The following CR2 variants were observed in gnomAD, a reference collection of about 807,000 sequenced individuals.
CR2 encodes the protein complement receptor type 2.
A neutral mutation model predicts 123.0 loss-of-function variants in CR2; 96 were observed. The ratio of observed to expected loss-of-function variants is 0.78; its 90% CI spans 0.66 to 0.93. The LOEUF (loss-of-function observed/expected upper bound fraction) is 0.93, where lower values mean the gene tolerates loss of function less well. Ranked by LOEUF, CR2 falls within the 40% of genes least tolerant of loss-of-function variation. The probability of loss-of-function intolerance (pLI) is 0.00; values close to 1 mark genes in which losing one functional copy is unlikely to be tolerated. For synonymous variants in CR2, 484 were observed against 469.5 expected (o/e 1.03, Z -0.40); for missense variants, 1,258 against 1,361.0 (o/e 0.92, Z 1.19).
intron 19 of CR2, 133 bp downstream of exon 19, chr1:207,485,705 G>A (rs1324980701): frequency 7.7e-6 from 5 of 646,988 alleles, no homozygotes; most frequent in East Asian, 2.8e-5. Flanking sequence ...ATCATGCATA[G>A]CAATTGTTCA....
At chr1:207,459,706 C>T (rs1050568278) in intron 1 of CR2, among the ~76,000 whole-genome samples, 1 of 152,154 alleles carries the variant, frequency 6.6e-6, no homozygotes, top group Non-Finnish European at 1.5e-5. Flanking sequence ...GTCATGATCT[C>T]CTCTGAGTTT....
At chr1:207,471,144 G>A in intron 8 of CR2, 57 bp downstream of exon 8, 2 of 1,530,264 alleles carry the variant, frequency 1.3e-6, no homozygotes, top group Non-Finnish European at 1.8e-6. Context: ...CACACTGCAG[G>A]CTCTATGTAA....
At chr1:207,488,218 T>A (rs1658800287) in intron 19 of CR2, among the ~76,000 whole-genome samples, 1 of 152,174 alleles carries the variant, frequency 6.6e-6, no homozygotes, top group African/African-American at 2.4e-5. Context: ...AATATCAAGA[T>A]GAAGAAATAA....
At position 207,470,919 on chromosome 1, in the gene CR2, G is replaced by C; in HGVS notation, c.1402+3G>C. ...ACCCCCTGTACCCCAATGCAAAGGT[G>C]CCAGGCCTCAAATGTAGACATTTTG... On this transcript the variant is annotated splice_donor_region_variant and intron_variant, in intron 7 of 19. Transcript: ENST00000367057. The C allele has an allele frequency of 6.2e-7, 1 of 1,613,828 alleles. No individual in the cohort carries two copies. Among genetic ancestry groups the C allele is most frequent in the South Asian group, 1.1e-5 (1 of 91,086 alleles).
At chr1:207,480,356 T>A (rs7548495) in intron 18 of CR2, among the ~76,000 whole-genome samples, 15,694 of 152,228 alleles carry the variant, frequency 0.1, 875 homozygotes, top group African/African-American at 0.15. Flanking sequence ...TCTGATCTTT[T>A]TCGTATATTT....
chr1:207,469,133 C>T lies in CR2; in HGVS notation c.735-17C>T. The T allele has an allele frequency of 6.2e-7, 1 of 1,610,056 alleles. No individual in the cohort carries two copies. The highest frequency in any genetic ancestry group is 8.5e-7 in the Non-Finnish European group (1 of 1,176,306). ...CAAACTGCCTAATAGTTCTGAATGACAACCTTCTGTCTCCAGGTATCGACT... is the reference window on the plus strand; with the variant it reads ...CAAACTGCCTAATAGTTCTGAATGATAACCTTCTGTCTCCAGGTATCGACT... On this transcript the variant is annotated splice_polypyrimidine_tract_variant and intron_variant, in intron 4 of 19. Coordinates refer to ENST00000367057, the MANE Select transcript of CR2 (RefSeq NM_001006658.3).
At chr1:207,471,295 G>A in intron 8 of CR2, 128 bp from the exon 9 acceptor site, 1 of 907,044 alleles carries the variant, frequency 1.1e-6, no homozygotes, top group East Asian at 2.4e-5. Context: ...AGTTGGTGCT[G>A]ATGTTGGCTA....
At chr1:207,457,060 A>G (rs375306221) in intron 1 of CR2, among the ~76,000 whole-genome samples, 1 of 152,232 alleles carries the variant, frequency 6.6e-6, no homozygotes, top group African/African-American at 2.4e-5. Flanking sequence ...ACTGTGTTCT[A>G]TTTTCTACAG....
Position 207,470,057 on chromosome 1 carries a change from A to C in CR2, c.1180A>C (p.Asn394His), listed in dbSNP as rs760698306. The change falls in exon 6 of 20, where the codon AAT (asparagine) becomes CAT (histidine). Residue 394 changes from asparagine (N) to histidine (H), a missense_variant. Asn to His is a moderately conservative substitution (Grantham distance 68). Transcript: ENST00000367057. ...GAAGGGCAGCAAGCAAATCCGATGC[A>C]ATGCCCAAGGCACATGGGAGCCATC... is the stretch of plus-strand genomic sequence containing the variant. ...TLKGSKQIRC[N>H]AQGTWEPSAP... The C allele has an allele frequency of 1.6e-5, 26 of 1,613,866 alleles. No individual in the cohort carries two copies. The highest frequency in any genetic ancestry group is 2.1e-5 in the Non-Finnish European group (25 of 1,179,914).
In CR2 at chr1:207,473,625, G is replaced by T; in HGVS notation, c.2059G>T (p.Asp687Tyr). 1 of 1,613,986 alleles carries T rather than the reference G, an allele frequency of 6.2e-7. No homozygotes were observed. Among genetic ancestry groups the T allele is most frequent in the Non-Finnish European group, 8.5e-7 (1 of 1,179,900 alleles). ...CTTCTTTGTCTCTGGGATGACTGTA[G>T]ACTACACTTGTGACCCTGGCTATTT... Reference protein sequence around the residue: ...TVFFVSGMTVDYTCDPGYLLV... With the variant: ...TVFFVSGMTVYYTCDPGYLLV... The change falls in exon 11 of 20, where the codon GAC becomes TAC. Residue 687 changes from aspartate (D) to tyrosine (Y), a missense_variant. Transcript: ENST00000367057.
chr1:207,471,537 G>T (rs1253575102), intron 9 of CR2, 38 bp downstream of exon 9: 6 of 1,378,894 alleles, frequency 4.4e-6, no homozygotes, highest in South Asian at 1.2e-5. Context: ...GAAATAATGT[G>T]AGATCTATAC....
intron 18 of CR2, among the ~76,000 whole-genome samples, chr1:207,482,866 A>G (rs562749581): frequency 1.3e-4 from 20 of 152,160 alleles, no homozygotes; most frequent in African/African-American, 4.1e-4. Flanking sequence ...TGTGAGAACT[A>G]CATAACCCAT....
chr1:207,461,886 A>G (rs1274781716), intron 1 of CR2, among the ~76,000 whole-genome samples: 1 of 152,072 alleles, frequency 6.6e-6, no homozygotes, highest in Admixed American at 6.6e-5. Flanking sequence ...CAGTAAATTC[A>G]CATGTCATCT....
Position 207,475,201 on chromosome 1 carries a change from A to G in CR2, c.2701A>G (p.Thr901Ala). 2.5e-6 allele frequency: 4 copies of G among 1,613,988 alleles called. No individual in the cohort carries two copies. Among genetic ancestry groups the G allele is most frequent in the Non-Finnish European group, 3.4e-6 (4 of 1,179,926 alleles). ...TDNTWVPGVPTCIKKAFIGCP... is the reference protein window; with the variant it reads ...TDNTWVPGVPACIKKAFIGCP... ...TAACACATGGGTGCCAGGTGTGCCA[A>G]CTTGTATCAAAAAAGGTAAGATACT... The change falls in exon 14 of 20, where the codon ACT becomes GCT. Residue 901 changes from threonine to alanine, a missense_variant. Transcript: ENST00000367057.
Position 207,475,040 on chromosome 1 carries a change from G to A in CR2, c.2540G>A (p.Cys847Tyr). Residue 847 changes from cysteine (C) to tyrosine (Y), a missense_variant, in exon 14 of 20, where the codon TGC (cysteine) becomes TAC (tyrosine). Physicochemically the swap from Cys to Tyr is radical, Grantham distance 194. Transcript: ENST00000367057. ...QCLRSPPVTR[C>Y]PNPEVKHGYK... ...TTACGATCTCCTCCTGTGACTCGCT[G>A]CCCTAATCCAGAAGTCAAACATGGG... 6 of 1,613,900 alleles carry A rather than the reference G, an allele frequency of 3.7e-6. No homozygotes were observed. Among genetic ancestry groups the A allele is most frequent in the Non-Finnish European group, 4.2e-6 (5 of 1,179,828 alleles).
chr1:207,459,013 T>G (rs1657905156), intron 1 of CR2, among the ~76,000 whole-genome samples: 1 of 151,968 alleles, frequency 6.6e-6, no homozygotes, highest in Non-Finnish European at 1.5e-5. Flanking sequence ...AATGGGAATA[T>G]GTGTGTGATT....
At position 207,476,438 on chromosome 1, in the gene CR2, A is replaced by G. The variant is rs755212950; in HGVS notation, c.2902+19A>G. ...TGTAAAGGTGCTTTGTCTATTTTTT[A>G]TTCTTATTTTTATATCAAATTTGTG... On this transcript the variant is annotated intron_variant, in intron 15 of 19. Transcript: ENST00000367057. The G allele has an allele frequency of 2.5e-6, 4 of 1,606,432 alleles. No individual in the cohort carries two copies. The highest frequency in any genetic ancestry group is 3.4e-6 in the Non-Finnish European group (4 of 1,176,482).
chr1:207,476,819 G>A (rs569535360), intron 15 of CR2, among the ~76,000 whole-genome samples: 2 of 152,214 alleles, frequency 1.3e-5, no homozygotes, highest in Non-Finnish European at 2.9e-5. Flanking sequence ...TTTAATAAAA[G>A]TTTCAGAAAG....
intron 18 of CR2, among the ~76,000 whole-genome samples, chr1:207,480,457 C>G (rs2102311702): frequency 6.6e-6 from 1 of 151,712 alleles, no homozygotes; most frequent in African/African-American, 2.4e-5. Flanking sequence ...TGCTTTAAGT[C>G]ATGTTTTCAG....
Sources: allele counts gnomAD v4.1 joint callset (sites outside exome capture counted in the v4.1 genomes callset), GRCh38; gene constraint gnomAD v4.1.1; transcripts MANE v1.5; gene names NCBI Gene and HGNC (gene_info 2026-07-23, HGNC 2026-07-21).